BCL11A: variants seen among roughly 807,000 people sequenced by gnomAD.
BCL11A encodes the protein BCL11 transcription factor A, also known as B cell CLL/lymphoma 11A.
In BCL11A, 2 loss-of-function variants were observed where a neutral mutation model predicts 55.9. That is an observed-to-expected ratio of 0.04 (90% CI 0.01 to 0.11). The LOEUF (loss-of-function observed/expected upper bound fraction) is 0.11, where lower values mean the gene tolerates loss of function less well. Among genes scored for constraint, BCL11A ranks in the 10% least tolerant of loss-of-function variants. The probability of loss-of-function intolerance (pLI) is 1.00; values close to 1 mark genes in which losing one functional copy is unlikely to be tolerated. For missense variants in BCL11A, 817 were observed against 1,137.1 expected (o/e 0.72, Z 4.05); for synonymous variants, 465 against 473.4 (o/e 0.98, Z 0.23).
Position 60,462,125 on chromosome 2 carries a change from G to T in BCL11A, c.787C>A (p.Pro263Thr), listed in dbSNP as rs946244619. The T allele has an allele frequency of 6.5e-6, 10 of 1,547,512 alleles. No homozygotes were observed. The highest frequency in any genetic ancestry group is 1.2e-5 in the South Asian group (1 of 80,584). The change falls in exon 4 of 4, where the codon CCC (proline) becomes ACC (threonine). Residue 263 changes from proline (P) to threonine (T), a missense_variant. Physicochemically the swap from Pro to Thr is conservative, Grantham distance 38. This residue lies in a region of BCL11A where 363 missense variants were observed against 486.6 expected (regional missense o/e 0.75). Transcript: ENST00000642384. The part of the protein sequence containing the change: ...GLAEGRFPPT[P>T]PLFSPPPRHH... ...CTCGGTGGTGGACTAAACAGGGGGGGAGTGGGTGGAAAGCGCCCTTCTGCC... is the reference window on the plus strand; with the variant it reads ...CTCGGTGGTGGACTAAACAGGGGGGTAGTGGGTGGAAAGCGCCCTTCTGCC...
intron 2 of BCL11A, chr2:60,528,424 C>T (rs1669303015): frequency 6.6e-6 from 1 of 152,378 alleles, no homozygotes; most frequent in African/African-American, 2.4e-5. Flanking sequence ...GGGGAAATGA[C>T]TACTTGCAAA....
At chr2:60,487,935 C>A (rs1305201594) in intron 2 of BCL11A, among the ~76,000 whole-genome samples, 1 of 152,174 alleles carries the variant, frequency 6.6e-6, no homozygotes, top group African/African-American at 2.4e-5. Flanking sequence ...TAACATCTGC[C>A]ACTAAAGGTT....
intron 2 of BCL11A, among the ~76,000 whole-genome samples, chr2:60,470,304 CA>C (rs1453989940): frequency 6.6e-6 from 1 of 152,158 alleles, no homozygotes; most frequent in Non-Finnish European, 1.5e-5. Flanking sequence ...ACTTAACAAA[CA>C]AGTATGTCTA....
Position 60,471,794 on chromosome 2 carries a change from C to G in BCL11A, c.386-2961G>C, listed in dbSNP as rs1249347439. Among the ~76,000 whole-genome samples, 2 of 152,150 alleles carry G rather than the reference C, an allele frequency of 1.3e-5. 1 individual carries two copies. Among genetic ancestry groups the G allele is most frequent in the Admixed American group, 1.3e-4 (2 of 15,280 alleles). ...GTGATTCTCACAGCGCAGACCCAGG[C>G]CCACCCCCGATCAGCATCACCTGGG... On this transcript the variant is annotated intron_variant, in intron 2 of 3. Transcript: ENST00000642384.
chr2:60,552,691 C>G (rs1670469872), intron 1 of BCL11A, among the ~76,000 whole-genome samples: 1 of 152,242 alleles, frequency 6.6e-6, no homozygotes, highest in East Asian at 1.9e-4. Context: ...ACCGTGAGCG[C>G]GCTGGTGTCC....
chr2:60,487,627 C>G (rs1678357046), intron 2 of BCL11A, among the ~76,000 whole-genome samples: 1 of 152,082 alleles, frequency 6.6e-6, no homozygotes, highest in African/African-American at 2.4e-5. Context: ...TAGCGGATCC[C>G]CCTTAAGTTA....
At chr2:60,516,738 C>T (rs1375534194) in intron 2 of BCL11A, among the ~76,000 whole-genome samples, 1 of 152,182 alleles carries the variant, frequency 6.6e-6, no homozygotes, top group African/African-American at 2.4e-5. Flanking sequence ...CCAAGCTGAG[C>T]ATGAGTCATC....
At chr2:60,542,145 T>TA (rs1227964745) in intron 2 of BCL11A, 3 of 376,778 alleles carry the variant, frequency 8.0e-6, no homozygotes, top group Non-Finnish European at 1.5e-5. Context: ...TATAAATGTC[T>TA]ATGTTCATGA....
At chr2:60,486,679 T>G (rs1240406711) in intron 2 of BCL11A, among the ~76,000 whole-genome samples, 1 of 152,202 alleles carries the variant, frequency 6.6e-6, no homozygotes, top group African/African-American at 2.4e-5. Flanking sequence ...ACATGCCAAC[T>G]CAACATCAGG....
chr2:60,518,251 C>T (rs1668822444), intron 2 of BCL11A, among the ~76,000 whole-genome samples: 2 of 152,064 alleles, frequency 1.3e-5, no homozygotes, highest in South Asian at 4.2e-4. Flanking sequence ...TGTCTCATTC[C>T]CTCTGTCAAC....
chr2:60,467,111 G>GTGGTGGTGATGGTGGTGA (rs1676673150), intron 3 of BCL11A, among the ~76,000 whole-genome samples: 2 of 136,202 alleles, frequency 1.5e-5, no homozygotes, highest in African/African-American at 5.6e-5. Flanking sequence ...GGTGGTGGTA[G>GTGGTGGTGATGGTGGTGA]TGGTGGTGGT....
intron 2 of BCL11A, among the ~76,000 whole-genome samples, chr2:60,510,710 G>C (rs1192734719): frequency 6.6e-6 from 1 of 152,150 alleles, no homozygotes; most frequent in Non-Finnish European, 1.5e-5. Context: ...GTTGAAAAAT[G>C]AATGAGTGAA....
intron 2 of BCL11A, among the ~76,000 whole-genome samples, chr2:60,516,534 C>T (rs1024412604): frequency 1.3e-5 from 2 of 152,170 alleles, no homozygotes; most frequent in African/African-American, 4.8e-5. Context: ...GAGACAAGAT[C>T]GTAACTCACC....
chr2:60,537,777 T>C (rs1489756920), intron 2 of BCL11A: 3 of 152,376 alleles, frequency 2.0e-5, no homozygotes, highest in African/African-American at 7.2e-5. Context: ...TTGTGTTTTT[T>C]AGAAAGTTCA....
intron 2 of BCL11A, chr2:60,525,228 A>T (rs370938475): frequency 9.8e-5 from 15 of 152,336 alleles, no homozygotes; most frequent in East Asian, 9.6e-4. Flanking sequence ...TCAAAAACGT[A>T]CTTCTATTTT....
chr2:60,548,955 C>A (rs1346063078), intron 1 of BCL11A, among the ~76,000 whole-genome samples: 1 of 152,096 alleles, frequency 6.6e-6, no homozygotes, highest in Non-Finnish European at 1.5e-5. Context: ...CCCTAAAAAC[C>A]TTCCTAACCC....
chr2:60,514,423 G>A (rs1327866782), intron 2 of BCL11A, among the ~76,000 whole-genome samples: 10 of 151,406 alleles, frequency 6.6e-5, no homozygotes, highest in Non-Finnish European at 8.8e-5. Context: ...TTGGGAGGCC[G>A]AGGCGTGTGG....
chr2:60,453,809 T>C (rs1675822317), downstream of BCL11A, among the ~76,000 whole-genome samples: 1 of 152,188 alleles, frequency 6.6e-6, no homozygotes, highest in South Asian at 2.1e-4. Flanking sequence ...ATGGCTTAAT[T>C]TGCCTTTTCT....
chr2:60,520,934 T>C (rs139928379), intron 2 of BCL11A, among the ~76,000 whole-genome samples: 235 of 152,158 alleles, frequency 1.5e-3, no homozygotes, highest in African/African-American at 5.5e-3. Context: ...GAAGAAAAAA[T>C]TATTCCAGCT....
Sources: allele counts gnomAD v4.1 joint callset (sites outside exome capture counted in the v4.1 genomes callset), GRCh38; gene constraint gnomAD v4.1.1; regional missense constraint gnomAD v4.1.1; transcripts MANE v1.5; gene names NCBI Gene and HGNC (gene_info 2026-07-23, HGNC 2026-07-21).